NNT: variants seen among roughly 807,000 people sequenced by gnomAD.
NNT encodes NAD(P) transhydrogenase, mitochondrial.
In NNT, 50 loss-of-function variants were observed where a neutral mutation model predicts 104.8. That is an observed-to-expected ratio of 0.48 (90% CI 0.38 to 0.60). The LOEUF (loss-of-function observed/expected upper bound fraction) is 0.60, where lower values mean the gene tolerates loss of function less well. Among genes scored for constraint, NNT ranks in the 20% least tolerant of loss-of-function variants. The probability of loss-of-function intolerance (pLI) is 0.00; values close to 1 mark genes in which losing one functional copy is unlikely to be tolerated. For synonymous variants in NNT, 461 were observed against 490.4 expected (o/e 0.94, Z 0.79); for missense variants, 1,131 against 1,330.7 (o/e 0.85, Z 2.33).
At chr5:43,648,240 C>A in intron 10 of NNT, 3 of 1,043,030 alleles carry the variant, frequency 2.9e-6, no homozygotes, top group Non-Finnish European at 3.5e-6. Flanking sequence ...AAATTAATGT[C>A]AATCCCTAGA....
chr5:43,635,890 T>C (rs1750907523), intron 7 of NNT, among the ~76,000 whole-genome samples: 1 of 152,160 alleles, frequency 6.6e-6, no homozygotes, highest in African/African-American at 2.4e-5. Flanking sequence ...GGTTAGGGCG[T>C]CAACATAGGA....
At chr5:43,665,211 TTTATTTATTTATTA>T (rs1274122356) in intron 17 of NNT, among the ~76,000 whole-genome samples, 2 of 149,024 alleles carry the variant, frequency 1.3e-5, no homozygotes, top group African/African-American at 5.0e-5. Context: ...TGGTATTTTA[TTTATTTATTTATTA>T]TTATTATTAT....
At chr5:43,674,185 A>G (rs1008753103) in intron 17 of NNT, among the ~76,000 whole-genome samples, 4 of 152,202 alleles carry the variant, frequency 2.6e-5, no homozygotes, top group African/African-American at 4.8e-5. Flanking sequence ...ACGAGTTTAG[A>G]TTGAAAGAAC....
chr5:43,677,892 T>G, intron 19 of NNT, 86 bp downstream of exon 19: 1 of 1,096,314 alleles, frequency 9.1e-7, no homozygotes, highest in Non-Finnish European at 1.4e-6. Flanking sequence ...TTGAACAATG[T>G]AGGGGTTAGG....
chr5:43,629,521 G>C (rs1480060821), intron 7 of NNT, among the ~76,000 whole-genome samples: 1 of 152,136 alleles, frequency 6.6e-6, no homozygotes, highest in Non-Finnish European at 1.5e-5. Context: ...TCAAATGGTA[G>C]TTCTACTTTA....
In NNT at chr5:43,644,187, A is replaced by T. The variant is rs749587817; in HGVS notation, c.965-5A>T. ...AAATTGTGCTGCTTTCTTTGATTTTATTAGGTAAAAAAGCTCCAGTTTTAT... is the reference window on the plus strand; with the variant it reads ...AAATTGTGCTGCTTTCTTTGATTTTTTTAGGTAAAAAAGCTCCAGTTTTAT... On this transcript the variant is annotated splice_polypyrimidine_tract_variant and splice_region_variant and intron_variant, in intron 7 of 21. Coordinates refer to ENST00000344920, the MANE Select transcript of NNT (RefSeq NM_182977.3). 14 of 1,595,806 alleles carry T rather than the reference A, an allele frequency of 8.8e-6. No homozygotes were observed. Among genetic ancestry groups the T allele is most frequent in the Admixed American group, 5.5e-5 (3 of 54,544 alleles).
intron 7 of NNT, among the ~76,000 whole-genome samples, chr5:43,643,259 C>T (rs1299123550): frequency 1.3e-5 from 2 of 152,132 alleles, no homozygotes; most frequent in African/African-American, 2.4e-5. Context: ...AGTTTATTTC[C>T]GTTATCTTTT....
rs566930338 is a variant in NNT, at chr5:43,617,516, A to G, written c.599+1451A>G. Reference sequence around the variant, plus strand: ...GTGTGAAAGGAATCATCTAGTATACATATCCATACAATGTATGATAAATCA... The same window carrying G: ...GTGTGAAAGGAATCATCTAGTATACGTATCCATACAATGTATGATAAATCA... On this transcript the variant is annotated intron_variant, in intron 4 of 21. Coordinates refer to ENST00000344920, the MANE Select transcript of NNT (RefSeq NM_182977.3). Among the ~76,000 whole-genome samples the G allele has an allele frequency of 2.6e-5, 4 of 152,298 alleles. No individual in the cohort carries two copies. In the South Asian group the frequency reaches 6.2e-4, roughly 24 times the overall value.
intron 6 of NNT, among the ~76,000 whole-genome samples, chr5:43,624,819 G>A (rs1260035798): frequency 1.3e-5 from 2 of 152,076 alleles, no homozygotes; most frequent in Non-Finnish European, 2.9e-5. Context: ...TAATTTTTGA[G>A]GTTGAAAAAT....
chr5:43,644,625 A>G lies in NNT; in HGVS notation c.1113A>G (p.Ile371Met). ...ELYIHKGITH[I>M]GYTDLPSRMA... ...TGTTCATTTAGGGAATTACTCACAT[A>G]GGCTACACAGACCTGCCCAGCCGAA... is the stretch of plus-strand genomic sequence containing the variant. The change falls in exon 9 of 22, where the codon ATA (isoleucine) becomes ATG (methionine). Residue 371 changes from isoleucine (I) to methionine (M), a missense_variant. Ile to Met is a conservative substitution (Grantham distance 10). Transcript: ENST00000344920. The G allele has an allele frequency of 6.2e-7, 1 of 1,610,138 alleles. No homozygotes were observed. Among genetic ancestry groups the G allele is most frequent in the African/African-American group, 1.3e-5 (1 of 74,770 alleles).
intron 17 of NNT, among the ~76,000 whole-genome samples, chr5:43,664,728 C>A (rs1484904487): frequency 6.6e-6 from 1 of 151,480 alleles, no homozygotes; most frequent in Non-Finnish European, 1.5e-5. Context: ...ATCATTTAAG[C>A]CGGCAAAAAA....
intron 7 of NNT, among the ~76,000 whole-genome samples, chr5:43,632,506 G>C (rs1465412860): frequency 6.6e-6 from 1 of 152,170 alleles, no homozygotes; most frequent in African/African-American, 2.4e-5. Flanking sequence ...ATTGTATGTG[G>C]AATGAGATAG....
In NNT at chr5:43,619,032, T is replaced by C; in HGVS notation, c.600T>C (p.Gly200=). ...TTTATTTATTTATTTATTTTTAAAG[T>C]TATAAGGCTGTTGTCCTAGCAGCAA... ...DALSSMANIA[G]YKAVVLAANH... is the part of the protein sequence containing the mutation. The change falls in exon 5 of 22, where the codon GGT becomes GGC. Residue 200 remains glycine (G), a splice_region_variant and synonymous_variant. Coordinates refer to ENST00000344920, the MANE Select transcript of NNT (RefSeq NM_182977.3). 1 of 1,508,910 alleles carries C rather than the reference T, an allele frequency of 6.6e-7. No homozygotes were observed. The highest frequency in any genetic ancestry group is 8.9e-7 in the Non-Finnish European group (1 of 1,119,306). The allele number at this position is 1,508,910 out of a possible 1,614,324, so 93.5% of individuals were successfully genotyped here. A position where few individuals can be genotyped will look rare whatever the true frequency, so the allele number is the denominator to read the frequency against.
At chr5:43,675,463 C>G in intron 17 of NNT, 48 bp from the exon 18 acceptor site, 1 of 1,535,040 alleles carries the variant, frequency 6.5e-7, no homozygotes, top group Non-Finnish European at 8.8e-7. Context: ...ACTATTCTCA[C>G]AAAGTTATGT....
At chr5:43,661,140 A>G (rs903223517) in intron 17 of NNT, among the ~76,000 whole-genome samples, 25 of 152,286 alleles carry the variant, frequency 1.6e-4, no homozygotes, top group Middle Eastern at 3.4e-3. Context: ...TAAATAGCCT[A>G]AATTACCTGG....
At chr5:43,683,291 C>A (rs1157502613) in intron 19 of NNT, among the ~76,000 whole-genome samples, 2 of 152,222 alleles carry the variant, frequency 1.3e-5, no homozygotes, top group Non-Finnish European at 2.9e-5. Context: ...TCTCCCAGAT[C>A]AAAGGTGTCT....
At chr5:43,690,738 G>A (rs528673598) in intron 19 of NNT, among the ~76,000 whole-genome samples, 45 of 151,366 alleles carry the variant, frequency 3.0e-4, no homozygotes, top group Non-Finnish European at 6.0e-4. Flanking sequence ...TCTTGATCAT[G>A]CCCACTGCCA....
At chr5:43,647,450 G>A (rs1310702469) in intron 10 of NNT, among the ~76,000 whole-genome samples, 1 of 152,156 alleles carries the variant, frequency 6.6e-6, no homozygotes, top group Admixed American at 6.5e-5. Context: ...ATATATGACA[G>A]TGGCATATTC....
rs1561296241 is a variant in NNT, at chr5:43,656,737, TC to T, written c.2381del (p.Pro794HisfsTer27). ...CTGGCTGCTAGTGTGGGCGGGATAATCCCATTCATGGTGGACCCAAGCTTTA... is the reference window on the plus strand; with the variant it reads ...CTGGCTGCTAGTGTGGGCGGGATAATCCATTCATGGTGGACCCAAGCTTTA... ...GLLAASVGGI[I>X]PFMVDPSFTT... On this transcript the variant is annotated frameshift_variant, in exon 16 of 22. Coordinates refer to ENST00000344920, the MANE Select transcript of NNT (RefSeq NM_182977.3). LOFTEE classifies it high-confidence loss of function. 1 of 1,614,184 alleles carries T rather than the reference TC, an allele frequency of 6.2e-7. No individual in the cohort carries two copies. The highest frequency in any genetic ancestry group is 1.3e-5 in the African/African-American group (1 of 75,058).
Sources: allele counts gnomAD v4.1 joint callset (sites outside exome capture counted in the v4.1 genomes callset), GRCh38; gene constraint gnomAD v4.1.1; transcripts MANE v1.5; gene names NCBI Gene and HGNC (gene_info 2026-07-23, HGNC 2026-07-21).